NKD2: variants seen among roughly 807,000 people sequenced by gnomAD.
NKD2 encodes protein naked cuticle homolog 2.
In NKD2, 43 loss-of-function variants were observed where a neutral mutation model predicts 34.8. The observed-to-expected ratio is 1.24, with a 90% CI of 0.97 to 1.60. The LOEUF is 1.60. Ranked by LOEUF, NKD2 falls within the 40% of genes most tolerant of loss-of-function variation. The pLI is 0.00. For synonymous variants in NKD2, 278 were observed against 265.1 expected, an observed-to-expected ratio of 1.05 and a Z score of -0.47; for missense variants, 675 against 627.1, an observed-to-expected ratio of 1.08 and a Z score of -0.82.
At position 1,009,362 on chromosome 5, in the gene NKD2, G is replaced by T; in HGVS notation, c.62-119G>T. The T allele has an allele frequency of 1.3e-6, 1 of 750,862 alleles. No individual in the cohort carries two copies. Among genetic ancestry groups the T allele is most frequent in the Non-Finnish European group, 2.0e-6 (1 of 498,416 alleles). The allele number at this position is 750,862 out of a possible 1,614,324, so 46.5% of individuals were successfully genotyped here. A position where few individuals can be genotyped will look rare whatever the true frequency, so the allele number is the denominator to read the frequency against. ...AGGAGCGCGCGGGACCCCCACGCCT[G>T]CCCCTGCGCGGTCTCCAGGCGATGG... On this transcript the variant is annotated intron_variant, in intron 2 of 9. Coordinates refer to ENST00000296849, the MANE Select transcript of NKD2 (RefSeq NM_033120.4). The surrounding 1 kb of genome is among the most constrained non-coding windows in gnomAD (Gnocchi z 6.9).
At chr5:1,013,041 G>T (rs1391644238) in intron 3 of NKD2, among the ~76,000 whole-genome samples, 1 of 152,206 alleles carries the variant, frequency 6.6e-6, no homozygotes, top group African/African-American at 2.4e-5. Context: ...AAGGCAGTGT[G>T]GACCATACTC....
At chr5:1,023,076 T>G (rs374646219) in intron 3 of NKD2, among the ~76,000 whole-genome samples, 2 of 8,642 alleles carry the variant, frequency 2.3e-4, no homozygotes, top group African/African-American at 3.1e-4. Flanking sequence ...CTTCCCACCC[T>G]CTGTGGGCGT....
intron 3 of NKD2, among the ~76,000 whole-genome samples, chr5:1,021,296 C>T (rs1282919580): frequency 2.0e-5 from 3 of 151,442 alleles, no homozygotes; most frequent in Non-Finnish European, 2.9e-5. Flanking sequence ...AGCCCGGCTC[C>T]CCTGCCCGGT....
rs767987454 is a variant in NKD2 at position 1,032,221 on chromosome 5, A to G, written c.202+9A>G. The G allele has an allele frequency of 5.0e-6, 8 of 1,601,522 alleles. No individual in the cohort carries two copies. Among genetic ancestry groups the G allele is most frequent in the Non-Finnish European group, 6.8e-6 (8 of 1,172,026 alleles). On this transcript the variant is annotated intron_variant, in intron 4 of 9. Coordinates refer to ENST00000296849, the MANE Select transcript of NKD2 (RefSeq NM_033120.4). ...CCAGTGTCCCCTACAGGGTGAGTGC[A>G]GCTCCCGCAGCCCTCCCTCCCCAAA... is the stretch of plus-strand genomic sequence containing the variant.
At chr5:1,028,607 G>T (rs568793021) in intron 3 of NKD2, among the ~76,000 whole-genome samples, 17 of 152,296 alleles carry the variant, frequency 1.1e-4, no homozygotes, top group African/African-American at 3.6e-4. Context: ...GAGGTCTGCA[G>T]GCCAGCCGTG....
chr5:1,011,283 G>GGA (rs1341383590), intron 3 of NKD2, among the ~76,000 whole-genome samples: 1 of 152,170 alleles, frequency 6.6e-6, no homozygotes, highest in Non-Finnish European at 1.5e-5. Flanking sequence ...CACCTGGCAT[G>GGA]GAGACCCCAG....
Position 1,033,454 on chromosome 5 carries a change from C to A in NKD2, c.285C>A (p.Asn95Lys). ...CAGATGACGGAGAGAGGGCAGCAAACCGCGAGGGCCCGCGAGGACCGGGCG... is the reference window on the plus strand; with the variant it reads ...CAGATGACGGAGAGAGGGCAGCAAAACGCGAGGGCCCGCGAGGACCGGGCG... Reference protein sequence around the residue: ...LSADDGERAANREGPRGPGGQ... With the variant: ...LSADDGERAAKREGPRGPGGQ... The change falls in exon 5 of 10, where the codon AAC (asparagine) becomes AAA (lysine). Residue 95 changes from asparagine to lysine, a missense_variant. Asn to Lys is a moderately conservative substitution (Grantham distance 94). Transcript: ENST00000296849. The A allele has an allele frequency of 6.4e-7, 1 of 1,557,786 alleles. No homozygotes were observed. The highest frequency in any genetic ancestry group is 1.2e-5 in the South Asian group (1 of 84,590).
chr5:1,033,458 G>A lies in NKD2; in HGVS notation c.289G>A (p.Glu97Lys), dbSNP rs754988202. Reference protein sequence around the residue: ...ADDGERAANREGPRGPGGQRL... With the variant: ...ADDGERAANRKGPRGPGGQRL... Reference sequence around the variant, plus strand: ...TGACGGAGAGAGGGCAGCAAACCGCGAGGGCCCGCGAGGACCGGGCGGGCA... The same window carrying A: ...TGACGGAGAGAGGGCAGCAAACCGCAAGGGCCCGCGAGGACCGGGCGGGCA... The change falls in exon 5 of 10, where the codon GAG becomes AAG. Residue 97 changes from glutamate to lysine, a missense_variant. By Grantham distance (56) the Glu-to-Lys change is moderately conservative. Transcript: ENST00000296849. 1.0e-5 allele frequency: 16 copies of A among 1,558,084 alleles called. No homozygotes were observed. The highest frequency in any genetic ancestry group is 8.2e-5 in the African/African-American group (6 of 73,234).
Position 1,027,749 on chromosome 5 carries a change from C to T in NKD2, c.142-4403C>T, listed in dbSNP as rs547444277. Reference sequence around the variant, plus strand: ...GAGCTGTGGCCAACAGCTGCCCTCACGAGGCCCAGGAGGGGACAGCGCCTC... The same window carrying T: ...GAGCTGTGGCCAACAGCTGCCCTCATGAGGCCCAGGAGGGGACAGCGCCTC... On this transcript the variant is annotated intron_variant, in intron 3 of 9. Transcript: ENST00000296849. Among the ~76,000 whole-genome samples the T allele has an allele frequency of 5.3e-3, 808 of 152,348 alleles. 3 individuals carry two copies. The highest frequency in any genetic ancestry group is 0.017 in the Middle Eastern group (5 of 294).
In NKD2 at chr5:1,034,083, T is replaced by C. The variant is rs1482852411; in HGVS notation, c.331-152T>C. 3 of 618,730 alleles carry C rather than the reference T, an allele frequency of 4.8e-6. No homozygotes were observed. In the African/African-American group the frequency reaches 5.5e-5, roughly 11 times the overall value. 38.3% of individuals were successfully genotyped at this position (618,730 alleles called of 1,614,324 possible). A position where few individuals can be genotyped will look rare whatever the true frequency, so the allele number is the denominator to read the frequency against. On this transcript the variant is annotated intron_variant, in intron 5 of 9. Coordinates refer to ENST00000296849, the MANE Select transcript of NKD2 (RefSeq NM_033120.4). ...AAGAAGGGGTCTGCTGGTTCAGGGC[T>C]TGAGCTCCAGCCACGCTGCCCTCTA...
At chr5:1,036,147 G>A (rs943513870) in intron 8 of NKD2, 110 bp from the exon 9 acceptor site, 6 of 1,386,034 alleles carry the variant, frequency 4.3e-6, no homozygotes, top group Admixed American at 3.1e-5. Context: ...GGAGGTGGGT[G>A]CTGGTCAGGA....
In NKD2 at chr5:1,038,442, G is replaced by A; in HGVS notation, c.*69G>A. ...CGACCTCAGGGCAGGGAGCAGAGCAGCTGCCGGCTGTGTGCCCATGGGGAG... is the reference window on the plus strand; with the variant it reads ...CGACCTCAGGGCAGGGAGCAGAGCAACTGCCGGCTGTGTGCCCATGGGGAG... On this transcript the variant is annotated 3_prime_UTR_variant, in exon 10 of 10. Coordinates refer to ENST00000296849, the MANE Select transcript of NKD2 (RefSeq NM_033120.4). The surrounding 1 kb of genome is among the most constrained non-coding windows in gnomAD (Gnocchi z 4.5). 1 of 1,535,626 alleles carries A rather than the reference G, an allele frequency of 6.5e-7. No individual in the cohort carries two copies. Among genetic ancestry groups the A allele is most frequent in the Non-Finnish European group, 8.7e-7 (1 of 1,146,682 alleles).
chr5:1,026,029 C>T (rs1350098484), intron 3 of NKD2, among the ~76,000 whole-genome samples: 1 of 67,086 alleles, frequency 1.5e-5, no homozygotes, highest in African/African-American at 5.3e-5. Context: ...TCTTCCCACC[C>T]TCTGTGGGCG....
At position 1,037,785 on chromosome 5, in the gene NKD2, A is replaced by G; in HGVS notation, c.788-20A>G. The G allele has an allele frequency of 6.4e-7, 1 of 1,562,982 alleles. No homozygotes were observed. The highest frequency in any genetic ancestry group is 8.6e-7 in the Non-Finnish European group (1 of 1,158,654). ...TGAGCCTGCACTCCCAGGGCCTCACACTCTGACCTGTGTCCGCAGGGTCCC... is the reference window on the plus strand; with the variant it reads ...TGAGCCTGCACTCCCAGGGCCTCACGCTCTGACCTGTGTCCGCAGGGTCCC... On this transcript the variant is annotated intron_variant, in intron 9 of 9. Coordinates refer to ENST00000296849, the MANE Select transcript of NKD2 (RefSeq NM_033120.4).
intron 9 of NKD2, chr5:1,036,637 G>T: frequency 1.6e-6 from 1 of 619,176 alleles, no homozygotes; most frequent in Non-Finnish European, 3.0e-6. Flanking sequence ...GTGTGTATGT[G>T]GCGGATGCGG....
chr5:1,036,039 G>A, intron 8 of NKD2: 1 of 1,127,088 alleles, frequency 8.9e-7, no homozygotes, highest in Non-Finnish European at 1.1e-6. Context: ...TGCCTGGGAG[G>A]GAGTTCACAG....
intron 3 of NKD2, among the ~76,000 whole-genome samples, chr5:1,020,899 G>A (rs927095170): frequency 3.3e-5 from 5 of 152,170 alleles, no homozygotes; most frequent in South Asian, 4.1e-4. Flanking sequence ...CCTGGGCTTA[G>A]GGCGTTTACT....
intron 4 of NKD2, among the ~76,000 whole-genome samples, chr5:1,032,444 G>T (rs1435386132): frequency 1.5e-4 from 23 of 152,236 alleles, no homozygotes. Flanking sequence ...CATGGGCAGA[G>T]CCCTAAGCGT....
chr5:1,021,080 G>T (rs538376139), intron 3 of NKD2, among the ~76,000 whole-genome samples: 1 of 152,208 alleles, frequency 6.6e-6, no homozygotes, highest in African/African-American at 2.4e-5. Context: ...CTTATAGGAA[G>T]TTAAGTCGCA....
Sources: gnomAD v4.1 joint callset for allele counts (sites outside exome capture counted in the v4.1 genomes callset) on GRCh38, gnomAD v4.1.1 for gene constraint, Gnocchi (gnomAD v3.1) non-coding constraint, MANE v1.5 for transcripts, NCBI Gene and HGNC (gene_info 2026-07-23, HGNC 2026-07-21) for gene names.